CDC25C: variants seen among roughly 807,000 people sequenced by gnomAD.
CDC25C encodes cell division cycle 25C.
Under a neutral mutation model 52.5 loss-of-function variants are expected in CDC25C, and 48 were observed. That is an observed-to-expected ratio of 0.91 (90% CI 0.72 to 1.16). The LOEUF (loss-of-function observed/expected upper bound fraction) is 1.16, where lower values mean the gene tolerates loss of function less well. Ranked by LOEUF, CDC25C falls within the 50% of genes most tolerant of loss-of-function variation. The pLI is 0.00. For synonymous variants in CDC25C, 187 were observed against 206.5 expected (o/e 0.91, Z 0.81); for missense variants, 510 against 566.1 (o/e 0.90, Z 1.01).
intron 7 of CDC25C, among the ~76,000 whole-genome samples, chr5:138,314,712 G>A (rs1394375212): frequency 2.1e-5 from 3 of 145,418 alleles, no homozygotes; most frequent in East Asian, 2.0e-4. Context: ...AGGTTCAAGC[G>A]ATTCTCCTGC....
chr5:138,287,147 A>C, intron 11 of CDC25C, 22 bp downstream of exon 11: 1 of 1,532,404 alleles, frequency 6.5e-7, no homozygotes, highest in Non-Finnish European at 9.0e-7. Flanking sequence ...CTCCCCTACT[A>C]ATGGCCACAA....
intron 7 of CDC25C, among the ~76,000 whole-genome samples, chr5:138,308,308 G>A (rs1455677808): frequency 6.6e-6 from 1 of 152,112 alleles, no homozygotes; most frequent in Non-Finnish European, 1.5e-5. Flanking sequence ...ATTCAATTAT[G>A]TTCACTGTAC....
At chr5:138,287,661 C>T (rs567998484) in intron 10 of CDC25C, among the ~76,000 whole-genome samples, 1 of 152,236 alleles carries the variant, frequency 6.6e-6, no homozygotes, top group East Asian at 1.9e-4. Context: ...GAAAGTAAGT[C>T]TTTCAGGAAA....
In CDC25C at chr5:138,287,237, C is replaced by A; in HGVS notation, c.958G>T (p.Gly320Cys). ...ATGACATAAAACTTCTCAATCAGACCCTGGAACTTCCCCGACAGTAAGGCA... is the reference window on the plus strand; with the variant it reads ...ATGACATAAAACTTCTCAATCAGACACTGGAACTTCCCCGACAGTAAGGCA... ...VAALLSGKFQ[G>C]LIEKFYVIDC... The change falls in exon 11 of 14, where the codon GGT becomes TGT. Residue 320 changes from glycine (G) to cysteine (C), a missense_variant. By Grantham distance (159) the Gly-to-Cys change is radical. Coordinates refer to ENST00000323760, the MANE Select transcript of CDC25C (RefSeq NM_001790.5). 1 of 1,613,948 alleles carries A rather than the reference C, an allele frequency of 6.2e-7. No individual in the cohort carries two copies. The highest frequency in any genetic ancestry group is 8.5e-7 in the Non-Finnish European group (1 of 1,179,944).
intron 7 of CDC25C, among the ~76,000 whole-genome samples, chr5:138,310,900 C>A (rs1034121979): frequency 6.6e-6 from 1 of 152,108 alleles, no homozygotes; most frequent in Non-Finnish European, 1.5e-5. Flanking sequence ...AGAATATATT[C>A]AAGGATGATT....
At chr5:138,317,250 TA>T (rs891128355) in intron 7 of CDC25C, among the ~76,000 whole-genome samples, 1 of 151,356 alleles carries the variant, frequency 6.6e-6, no homozygotes, top group African/African-American at 2.4e-5. Flanking sequence ...ATTAAATAAT[TA>T]AAAAAAATAA....
intron 6 of CDC25C, among the ~76,000 whole-genome samples, chr5:138,325,362 G>A (rs946005284): frequency 4.6e-5 from 7 of 152,088 alleles, no homozygotes; most frequent in Non-Finnish European, 1.0e-4. Flanking sequence ...CTAAGGTTTA[G>A]ATAAAAAGTA....
In CDC25C at chr5:138,285,314, G is replaced by A. The variant is rs1300029411; in HGVS notation, c.*378C>T. Reference sequence around the variant, plus strand: ...TTTTCCATTTTTAAAAAAGAAAGAGGGGGAAACAAAGAAGGAAAATACAAA... The same window carrying A: ...TTTTCCATTTTTAAAAAAGAAAGAGAGGGAAACAAAGAAGGAAAATACAAA... On this transcript the variant is annotated 3_prime_UTR_variant, in exon 14 of 14. Coordinates refer to ENST00000323760, the MANE Select transcript of CDC25C (RefSeq NM_001790.5). 4.1e-5 allele frequency: 8 copies of A among 193,118 alleles called. No homozygotes were observed. The highest frequency in any genetic ancestry group is 8.5e-5 in the Non-Finnish European group (8 of 94,250). The allele number at this position is 193,118 out of a possible 1,614,324, so 12.0% of individuals were successfully genotyped here.
chr5:138,318,042 GGTTAC>G (rs1260445100), intron 7 of CDC25C, among the ~76,000 whole-genome samples: 1 of 152,030 alleles, frequency 6.6e-6, no homozygotes, highest in African/African-American at 2.4e-5. Flanking sequence ...TCTAAAGATA[GGTTAC>G]GCCAGGCGTG....
intron 4 of CDC25C, among the ~76,000 whole-genome samples, chr5:138,328,026 C>T (rs1021275842): frequency 6.6e-6 from 1 of 152,208 alleles, no homozygotes; most frequent in Admixed American, 6.5e-5. Flanking sequence ...GCCACCACAT[C>T]CAGCTAATTT....
intron 7 of CDC25C, among the ~76,000 whole-genome samples, chr5:138,314,088 T>G (rs1297535576): frequency 6.7e-6 from 1 of 148,986 alleles, no homozygotes; most frequent in Non-Finnish European, 1.5e-5. Flanking sequence ...CTCTGCCTCC[T>G]GGGTTCAGGC....
chr5:138,313,585 G>C (rs1307208337), intron 7 of CDC25C, among the ~76,000 whole-genome samples: 1 of 152,070 alleles, frequency 6.6e-6, no homozygotes, highest in Admixed American at 6.6e-5. Flanking sequence ...ACCTGTATTT[G>C]TGTCCTAGAT....
At chr5:138,287,719 G>A (rs1756370879) in intron 10 of CDC25C, among the ~76,000 whole-genome samples, 1 of 152,200 alleles carries the variant, frequency 6.6e-6, no homozygotes. Flanking sequence ...AGAAACTGAA[G>A]CTACTTGTAG....
chr5:138,325,282 T>C (rs780189806), intron 6 of CDC25C, among the ~76,000 whole-genome samples: 1 of 152,144 alleles, frequency 6.6e-6, no homozygotes, highest in Non-Finnish European at 1.5e-5. Flanking sequence ...GATGAGGGAT[T>C]AGATACAGAA....
chr5:138,337,876 C>T (rs2126877541), intron 1 of CDC25C: 2 of 1,029,004 alleles, frequency 1.9e-6, no homozygotes, highest in Non-Finnish European at 2.6e-6. Flanking sequence ...TGGCTAATTG[C>T]GTGACGCGGC....
chr5:138,319,653 G>A (rs556232259), intron 6 of CDC25C, among the ~76,000 whole-genome samples: 2 of 152,318 alleles, frequency 1.3e-5, no homozygotes, highest in East Asian at 3.9e-4. Context: ...TATATTTGAT[G>A]AGAGATTAAT....
chr5:138,301,348 T>G (rs1233661477), intron 7 of CDC25C, among the ~76,000 whole-genome samples: 1 of 152,068 alleles, frequency 6.6e-6, no homozygotes, highest in African/African-American at 2.4e-5. Flanking sequence ...GACAACCTAA[T>G]TAAAATGGAC....
intron 7 of CDC25C, among the ~76,000 whole-genome samples, chr5:138,313,995 C>CTTTCTTTCTTTCTTT (rs1554117939): frequency 8.9e-6 from 1 of 112,676 alleles, no homozygotes; most frequent in African/African-American, 3.3e-5. Flanking sequence ...TTCTTTCTTT[C>CTTTCTTTCTTTCTTT]TTTTTTTTTT....
chr5:138,294,479 C>T lies in CDC25C; in HGVS notation c.616-2363G>A, dbSNP rs191475589. Among the ~76,000 whole-genome samples the T allele has an allele frequency of 3.2e-4, 48 of 148,154 alleles. No individual in the cohort carries two copies. The East Asian group carries it at 7.1e-3, about 22-fold the overall frequency. On this transcript the variant is annotated intron_variant, in intron 7 of 13. Coordinates refer to ENST00000323760, the MANE Select transcript of CDC25C (RefSeq NM_001790.5). Reference sequence around the variant, plus strand: ...TTCTGGGATTACAAGTGTGAGCCACCGTGCCCAACCACTCAGCTAATTTTT... The same window carrying T: ...TTCTGGGATTACAAGTGTGAGCCACTGTGCCCAACCACTCAGCTAATTTTT...
Sources: gnomAD v4.1 joint callset for allele counts (sites outside exome capture counted in the v4.1 genomes callset) on GRCh38, gnomAD v4.1.1 for gene constraint, MANE v1.5 for transcripts, NCBI Gene and HGNC (gene_info 2026-07-23, HGNC 2026-07-21) for gene names.